SRPK2: variants seen among roughly 807,000 people sequenced by gnomAD.
The protein encoded by SRPK2 is SRSF protein kinase 2, also known as SFRS protein kinase 2.
In SRPK2, 21 loss-of-function variants were observed where a neutral mutation model predicts 90.8. The observed-to-expected ratio is 0.23, with a 90% CI of 0.16 to 0.33. The LOEUF is 0.33. SRPK2 is among the 10% of genes least tolerant of loss of function. The probability of loss-of-function intolerance (pLI) is 1.00; values close to 1 mark genes in which losing one functional copy is unlikely to be tolerated. For synonymous variants in SRPK2, 288 were observed against 311.1 expected, an observed-to-expected ratio of 0.93 and a Z score of 0.78; for missense variants, 620 against 869.0, an observed-to-expected ratio of 0.71 and a Z score of 3.60.
At chr7:105,308,705 G>C (rs2131357153) in intron 2 of SRPK2, among the ~76,000 whole-genome samples, 1 of 152,292 alleles carries the variant, frequency 6.6e-6, no homozygotes, top group South Asian at 2.1e-4. Flanking sequence ...TTTTCCTACA[G>C]AGAGCTATGA....
intron 3 of SRPK2, among the ~76,000 whole-genome samples, chr7:105,170,957 A>AAGAAAGAAAGAAAG (rs1563026636): frequency 1.1e-4 from 5 of 43,524 alleles, no homozygotes; most frequent in Non-Finnish European, 2.6e-4. Flanking sequence ...GAAAGAAAGA[A>AAGAAAGAAAGAAAG]AGAAAGAAAG....
chr7:105,278,057 T>C lies in SRPK2; in HGVS notation c.72-74272A>G, dbSNP rs182176218. 4.6e-5 allele frequency among the ~76,000 whole-genome samples: 7 copies of C among 152,326 alleles called. No homozygotes were observed. The East Asian group carries it at 9.6e-4, about 21-fold the overall frequency. On this transcript the variant is annotated intron_variant, in intron 2 of 15. Coordinates refer to ENST00000393651, the MANE Select transcript of SRPK2 (RefSeq NM_182692.3). The stretch of plus-strand genomic sequence containing the variant: ...GGCCAGGCGCGGTGGGGCTCATGCC[T>C]GCAATCCCAGCACTTTGGGAGGCTG...
intron 2 of SRPK2, among the ~76,000 whole-genome samples, chr7:105,345,906 G>A (rs1342050867): frequency 6.6e-6 from 1 of 152,266 alleles, no homozygotes; most frequent in African/African-American, 2.4e-5. Flanking sequence ...TTTCAGCTAT[G>A]ATACTGGACA....
chr7:105,189,769 G>T, intron 3 of SRPK2: 1 of 152,686 alleles, frequency 6.5e-6, no homozygotes, highest in Non-Finnish European at 1.5e-5. Context: ...TAAAGAAAAG[G>T]AAAAACAAAG....
intron 14 of SRPK2, 59 bp from the exon 15 acceptor site, chr7:105,126,399 A>G (rs1801214580): frequency 1.6e-6 from 2 of 1,256,950 alleles, no homozygotes; most frequent in Non-Finnish European, 2.3e-6. Context: ...AGGATGGGAT[A>G]AAAGAAGAGG....
chr7:105,248,817 C>T (rs1158323036), intron 2 of SRPK2, among the ~76,000 whole-genome samples: 2 of 151,230 alleles, frequency 1.3e-5, no homozygotes, highest in East Asian at 1.9e-4. Context: ...TGGTGTTGGG[C>T]GCCTGGGCTG....
At chr7:105,290,605 G>A (rs934498139) in intron 2 of SRPK2, among the ~76,000 whole-genome samples, 2 of 152,156 alleles carry the variant, frequency 1.3e-5, no homozygotes, top group African/African-American at 2.4e-5. Context: ...TGAGGTGGAA[G>A]GATTATTTGA....
intron 2 of SRPK2, among the ~76,000 whole-genome samples, chr7:105,379,505 A>G (rs1820695365): frequency 6.6e-6 from 1 of 152,184 alleles, no homozygotes; most frequent in Non-Finnish European, 1.5e-5. Context: ...TCAAGAACAG[A>G]CAAAACTAAT....
chr7:105,224,054 A>G (rs561573022), intron 2 of SRPK2, among the ~76,000 whole-genome samples: 49 of 152,304 alleles, frequency 3.2e-4, no homozygotes, highest in Non-Finnish European at 6.2e-4. Context: ...TTTCATATGG[A>G]TAACCAATTG....
intron 3 of SRPK2, among the ~76,000 whole-genome samples, chr7:105,173,631 C>T (rs985676393): frequency 6.6e-6 from 1 of 152,216 alleles, no homozygotes; most frequent in Non-Finnish European, 1.5e-5. Context: ...TGGCTATTAG[C>T]AATGGAACCC....
intron 1 of SRPK2, among the ~76,000 whole-genome samples, chr7:105,394,768 C>A (rs1459660449): frequency 6.6e-6 from 1 of 152,156 alleles, no homozygotes; most frequent in Non-Finnish European, 1.5e-5. Context: ...ACAGAAATGT[C>A]CCTGCCTTCA....
At chr7:105,349,590 C>T (rs924963735) in intron 2 of SRPK2, among the ~76,000 whole-genome samples, 1 of 151,598 alleles carries the variant, frequency 6.6e-6, no homozygotes, top group African/African-American at 2.4e-5. Context: ...TACAACCACA[C>T]CTTAATATCC....
rs551673852 is a variant in SRPK2 at position 105,121,377 on chromosome 7, T to TAAAA, written c.1916-3359_1916-3356dup. ...GGAAAAAAGAAAATATATGAAGACG[T>TAAAA]AAAAAAAAAAAGAGAGAAAAGAAAA... On this transcript the variant is annotated intron_variant, in intron 15 of 15. Transcript: ENST00000393651. Among the ~76,000 whole-genome samples, 317 of 41,776 alleles carry TAAAA rather than the reference T, an allele frequency of 7.6e-3. 1 individual carries two copies. Among genetic ancestry groups the TAAAA allele is most frequent in the African/African-American group, 0.021 (306 of 14,238 alleles). The allele number at this position is 41,776 out of a possible 152,430, so 27.4% of individuals were successfully genotyped here.
At chr7:105,350,781 T>C (rs1263360119) in intron 2 of SRPK2, among the ~76,000 whole-genome samples, 2 of 152,016 alleles carry the variant, frequency 1.3e-5, no homozygotes, top group Admixed American at 1.3e-4. Flanking sequence ...CAAAGTGCTA[T>C]AGTTGCTATA....
intron 2 of SRPK2, among the ~76,000 whole-genome samples, chr7:105,311,306 TAC>T (rs1449409252): frequency 2.6e-5 from 4 of 152,186 alleles, no homozygotes; most frequent in Non-Finnish European, 5.9e-5. Context: ...GATCTGGACT[TAC>T]TGCAACTTCC....
intron 2 of SRPK2, among the ~76,000 whole-genome samples, chr7:105,327,007 A>C (rs1251822012): frequency 6.6e-6 from 1 of 151,804 alleles, no homozygotes; most frequent in Non-Finnish European, 1.5e-5. Flanking sequence ...AGGCTGCATA[A>C]AGCTGAGATC....
intron 6 of SRPK2, among the ~76,000 whole-genome samples, chr7:105,165,019 T>C (rs1789855850): frequency 6.6e-6 from 1 of 152,194 alleles, no homozygotes; most frequent in Non-Finnish European, 1.5e-5. Context: ...CACAAAGGGC[T>C]ATCTCAGAGG....
chr7:105,132,906 G>T lies in SRPK2; in HGVS notation c.1645-8C>A. 1.2e-6 allele frequency: 2 copies of T among 1,612,946 alleles called. No individual in the cohort carries two copies. Among genetic ancestry groups the T allele is most frequent in the Non-Finnish European group, 1.7e-6 (2 of 1,179,222 alleles). On this transcript the variant is annotated splice_polypyrimidine_tract_variant and splice_region_variant and intron_variant, in intron 12 of 15. Coordinates refer to ENST00000393651, the MANE Select transcript of SRPK2 (RefSeq NM_182692.3). ...TTCCGTGAAGTGTTTATGCTGGAAGGGAACAGGCTGCATTACCACGGAGCA... is the reference window on the plus strand; with the variant it reads ...TTCCGTGAAGTGTTTATGCTGGAAGTGAACAGGCTGCATTACCACGGAGCA...
intron 2 of SRPK2, among the ~76,000 whole-genome samples, chr7:105,289,206 G>A (rs1247210783): frequency 6.6e-6 from 1 of 151,412 alleles, no homozygotes; most frequent in East Asian, 1.9e-4. Context: ...CCCAGGAGGT[G>A]GAGCTTGCAG....
Sources: gnomAD v4.1 joint callset for allele counts (sites outside exome capture counted in the v4.1 genomes callset) on GRCh38, gnomAD v4.1.1 for gene constraint, MANE v1.5 for transcripts, NCBI Gene and HGNC (gene_info 2026-07-23, HGNC 2026-07-21) for gene names.